The following STAU2 variants were observed in gnomAD, a reference collection of about 807,000 sequenced individuals.
STAU2 encodes staufen double-stranded RNA binding protein 2, also known as double-stranded RNA-binding protein Staufen homolog 2.
STAU2 carries 20 observed loss-of-function variants against 65.9 expected under a neutral mutation model. That is an observed-to-expected ratio of 0.30 (90% confidence interval 0.21 to 0.44). The LOEUF is 0.44. Ranked by LOEUF, STAU2 falls within the 20% of genes least tolerant of loss-of-function variation. The pLI is 1.00. For missense variants in STAU2, 558 were observed against 683.9 expected, an observed-to-expected ratio of 0.82 and a Z score of 2.05; for synonymous variants, 232 against 233.9, an observed-to-expected ratio of 0.99 and a Z score of 0.07.
intron 13 of STAU2, among the ~76,000 whole-genome samples, chr8:73,464,631 C>A (rs1298381457): frequency 6.6e-6 from 1 of 151,804 alleles, no homozygotes; most frequent in Admixed American, 6.6e-5. Context: ...CACACTGCAG[C>A]CTTAATAGCT....
intron 5 of STAU2, among the ~76,000 whole-genome samples, chr8:73,683,133 T>C (rs1181015045): frequency 6.6e-6 from 1 of 152,018 alleles, no homozygotes; most frequent in African/African-American, 2.4e-5. Flanking sequence ...ATCACCCTAA[T>C]ACCAAAAACA....
chr8:73,600,914 C>T (rs1343467272), intron 10 of STAU2, among the ~76,000 whole-genome samples: 2 of 152,190 alleles, frequency 1.3e-5, no homozygotes, highest in Non-Finnish European at 2.9e-5. Flanking sequence ...TATAAAAAGA[C>T]CACATTGCCA....
chr8:73,582,807 A>G lies in STAU2; in HGVS notation c.1185T>C (p.Ser395=). 1 of 1,611,698 alleles carries G rather than the reference A, an allele frequency of 6.2e-7. No homozygotes were observed. Among genetic ancestry groups the G allele is most frequent in the Non-Finnish European group, 8.5e-7 (1 of 1,178,570 alleles). ...GTTCAGGAAACCCAGGCTTTGGACC[A>G]CTCCATCCTTTGTTTTCCCCTGTCT... The part of the protein sequence containing the change: ...LEKTGENKGW[S]GPKPGFPEPT... The change falls in exon 12 of 15, where the codon AGT becomes AGC. Residue 395 remains serine, a synonymous_variant. Transcript: ENST00000524300.
intron 13 of STAU2, among the ~76,000 whole-genome samples, chr8:73,424,687 T>C (rs1328541986): frequency 6.6e-6 from 1 of 152,072 alleles, no homozygotes; most frequent in Non-Finnish European, 1.5e-5. Context: ...TGGAATTTAA[T>C]GTGTAATATT....
intron 13 of STAU2, among the ~76,000 whole-genome samples, chr8:73,515,266 T>C (rs1243440625): frequency 2.6e-5 from 4 of 151,934 alleles, no homozygotes; most frequent in African/African-American, 4.8e-5. Flanking sequence ...AGGCAGGGGG[T>C]GAAGCATGAG....
chr8:73,685,289 A>G (rs1818718235), intron 5 of STAU2, among the ~76,000 whole-genome samples: 1 of 152,132 alleles, frequency 6.6e-6, no homozygotes, highest in East Asian at 1.9e-4. Flanking sequence ...AGACTAACAC[A>G]CCACCTTACT....
chr8:73,517,890 A>C (rs77993762), intron 13 of STAU2, among the ~76,000 whole-genome samples: 312 of 152,350 alleles, frequency 2.0e-3, no homozygotes, highest in African/African-American at 7.1e-3. Context: ...TTCTAAGCAT[A>C]TATGAAATTA....
chr8:73,631,919 A>G (rs1310554933), intron 6 of STAU2, among the ~76,000 whole-genome samples: 4 of 151,212 alleles, frequency 2.6e-5, no homozygotes, highest in African/African-American at 9.7e-5. Context: ...CACCCGCAAA[A>G]GAGAACAGCC....
At chr8:73,600,266 C>T (rs1554548036) in intron 10 of STAU2, among the ~76,000 whole-genome samples, 1 of 152,208 alleles carries the variant, frequency 6.6e-6, no homozygotes, top group Non-Finnish European at 1.5e-5. Flanking sequence ...ACGCTGAAAA[C>T]ATATTCATTA....
chr8:73,611,437 T>C (rs534548355), intron 9 of STAU2, among the ~76,000 whole-genome samples: 1 of 152,256 alleles, frequency 6.6e-6, no homozygotes, highest in East Asian at 1.9e-4. Context: ...TATGCTGAGA[T>C]CTGAATGATG....
chr8:73,652,706 CAG>C (rs921955933), intron 6 of STAU2: 3 of 147,286 alleles, frequency 2.0e-5, no homozygotes, highest in Admixed American at 1.4e-4. Flanking sequence ...GCCTAGGTGA[CAG>C]AGCAAGACTC....
chr8:73,673,496 C>T (rs560145191), intron 5 of STAU2, among the ~76,000 whole-genome samples: 2 of 152,156 alleles, frequency 1.3e-5, no homozygotes, highest in East Asian at 3.9e-4. Context: ...ACTATCAAAA[C>T]ATAGTAAACA....
At chr8:73,683,250 G>A (rs896880747) in intron 5 of STAU2, among the ~76,000 whole-genome samples, 2 of 152,038 alleles carry the variant, frequency 1.3e-5, no homozygotes, top group Non-Finnish European at 2.9e-5. Context: ...ACAGCGTATC[G>A]AAAAGGTAAT....
intron 13 of STAU2, among the ~76,000 whole-genome samples, chr8:73,544,552 T>C (rs1806770680): frequency 1.3e-5 from 2 of 152,244 alleles, no homozygotes; most frequent in South Asian, 4.1e-4. Context: ...TCTTCAGTGC[T>C]TTGATGCTTC....
intron 6 of STAU2, chr8:73,672,482 CATAAA>C (rs752260243): frequency 6.6e-6 from 1 of 151,988 alleles, no homozygotes; most frequent in Middle Eastern, 3.2e-3. Context: ...TATATACATA[CATAAA>C]ATAAAGTCAT....
chr8:73,616,128 C>G (rs1189574199), intron 7 of STAU2, among the ~76,000 whole-genome samples: 1 of 152,154 alleles, frequency 6.6e-6, no homozygotes, highest in Non-Finnish European at 1.5e-5. Context: ...AATTCCCCCA[C>G]TGGTGTTCTA....
chr8:73,620,915 A>G (rs7000029), intron 6 of STAU2, among the ~76,000 whole-genome samples: 29,088 of 151,996 alleles, frequency 0.19, 2,987 homozygotes, highest in East Asian at 0.36. Context: ...AATTGCATCC[A>G]GATTGAATTA....
chr8:73,575,509 C>T (rs1809475060), intron 12 of STAU2, among the ~76,000 whole-genome samples: 2 of 152,052 alleles, frequency 1.3e-5, no homozygotes, highest in Admixed American at 6.6e-5. Context: ...AAATATGCTA[C>T]CACATACGTA....
At chr8:73,501,824 C>T (rs1037994295) in intron 13 of STAU2, among the ~76,000 whole-genome samples, 1 of 151,984 alleles carries the variant, frequency 6.6e-6, no homozygotes. Context: ...CAAATTCAAC[C>T]AAAATATAAA....
Sources: gnomAD v4.1 joint callset for allele counts (sites outside exome capture counted in the v4.1 genomes callset) on GRCh38, gnomAD v4.1.1 for gene constraint, MANE v1.5 for transcripts, NCBI Gene and HGNC (gene_info 2026-07-23, HGNC 2026-07-21) for gene names.